The following KCNU1 variants were observed in gnomAD, a reference collection of about 807,000 sequenced individuals.
KCNU1 encodes potassium calcium-activated channel subfamily U member 1.
Under a neutral mutation model 126.8 loss-of-function variants are expected in KCNU1, and 93 were observed. The observed-to-expected ratio is 0.73, with a 90% CI of 0.62 to 0.87. The LOEUF (loss-of-function observed/expected upper bound fraction) is 0.87, where lower values mean the gene tolerates loss of function less well. Ranked by LOEUF, KCNU1 falls within the 40% of genes least tolerant of loss-of-function variation. The pLI is 0.00. For synonymous variants in KCNU1, 523 were observed against 494.2 expected, an observed-to-expected ratio of 1.06 and a Z score of -0.77; for missense variants, 1,330 against 1,367.1, an observed-to-expected ratio of 0.97 and a Z score of 0.43.
chr8:36,810,097 C>A (rs1803655027), intron 7 of KCNU1, among the ~76,000 whole-genome samples: 1 of 151,988 alleles, frequency 6.6e-6, no homozygotes, highest in South Asian at 2.1e-4. Context: ...ACTAAAAATA[C>A]AAAAATTAGC....
intron 19 of KCNU1, among the ~76,000 whole-genome samples, chr8:36,889,892 T>A (rs1806888840): frequency 6.6e-6 from 1 of 152,034 alleles, no homozygotes; most frequent in Non-Finnish European, 1.5e-5. Flanking sequence ...ATCTTGCCCA[T>A]GGAGAAACAC....
rs542427403 is a variant in KCNU1, at chr8:36,909,387, C to T, written c.2183C>T (p.Pro728Leu). ...GTATTTGGAGATGCCCACTCAGCCC[C>T]GATGGGGCTTCGGAACTTTGTAATG... ...ACVFGDAHSAPMGLRNFVMPL... is the reference protein window; with the variant it reads ...ACVFGDAHSALMGLRNFVMPL... Residue 728 changes from proline (P) to leucine (L), a missense_variant, in exon 21 of 27, where the codon CCG becomes CTG. By Grantham distance (98) the Pro-to-Leu change is moderately conservative. Around this residue, in one of 3 missense-constraint regions of KCNU1, gnomAD observed 1,054 missense variants for 1,053.9 expected, o/e 1.00. Transcript: ENST00000399881. 458 of 1,613,410 alleles carry T rather than the reference C, an allele frequency of 2.8e-4. 6 individuals carry two copies. In the East Asian group the frequency reaches 9.7e-3, roughly 34 times the overall value.
chr8:36,813,597 C>G (rs1803800988), intron 7 of KCNU1, among the ~76,000 whole-genome samples: 1 of 150,448 alleles, frequency 6.6e-6, no homozygotes. Context: ...TATTAAAAAT[C>G]TGATAAATCT....
rs562141869 is a variant in KCNU1 at position 36,813,291 on chromosome 8, T to C, written c.733-916T>C. On this transcript the variant is annotated intron_variant, in intron 7 of 26. Coordinates refer to ENST00000399881, the MANE Select transcript of KCNU1 (RefSeq NM_001031836.3). ...ACAAATATCTGAGCAAACTGCATGG[T>C]TTCTAATTTCCATCCTAGTTCTTAA... Among the ~76,000 whole-genome samples the C allele has an allele frequency of 2.8e-4, 43 of 152,212 alleles. 1 individual carries two copies. In the South Asian group the frequency reaches 8.7e-3, roughly 31 times the overall value.
intron 22 of KCNU1, among the ~76,000 whole-genome samples, chr8:36,913,540 G>C (rs957828189): frequency 2.0e-5 from 3 of 152,066 alleles, no homozygotes; most frequent in Non-Finnish European, 2.9e-5. Context: ...AGGCTCTAAG[G>C]ACACACCTAA....
chr8:36,825,821 A>G (rs1260370424), intron 10 of KCNU1, among the ~76,000 whole-genome samples: 2 of 152,000 alleles, frequency 1.3e-5, no homozygotes, highest in African/African-American at 2.4e-5. Flanking sequence ...ACAGAGTTAC[A>G]AGCTGGCAGT....
chr8:36,793,139 G>A (rs1390427087), intron 2 of KCNU1, among the ~76,000 whole-genome samples: 3 of 149,160 alleles, frequency 2.0e-5, no homozygotes, highest in Non-Finnish European at 4.4e-5. Context: ...TCACTCATAG[G>A]TGGGAACTGA....
intron 1 of KCNU1, among the ~76,000 whole-genome samples, chr8:36,785,298 T>G (rs1045670346): frequency 6.6e-6 from 1 of 152,242 alleles, no homozygotes; most frequent in Non-Finnish European, 1.5e-5. Context: ...GATGTTCTAT[T>G]ACCAGAGGTC....
intron 12 of KCNU1, among the ~76,000 whole-genome samples, chr8:36,835,428 T>C (rs899374622): frequency 6.6e-6 from 1 of 152,010 alleles, no homozygotes; most frequent in African/African-American, 2.4e-5. Flanking sequence ...CACTGCAACT[T>C]CCACCTCCCC....
chr8:36,793,688 C>G (rs991075651), intron 2 of KCNU1, among the ~76,000 whole-genome samples: 1 of 152,176 alleles, frequency 6.6e-6, no homozygotes, highest in African/African-American at 2.4e-5. Flanking sequence ...TATGTTGTAA[C>G]TAGGATGATC....
intron 11 of KCNU1, 31 bp downstream of exon 11, chr8:36,833,690 T>A (rs1804644355): frequency 1.6e-6 from 2 of 1,276,070 alleles, no homozygotes; most frequent in East Asian, 4.7e-5. Context: ...TTCCTTGTAG[T>A]TTTCCTTAGT....
intron 19 of KCNU1, among the ~76,000 whole-genome samples, chr8:36,890,461 A>T (rs1806915009): frequency 6.6e-6 from 1 of 151,990 alleles, no homozygotes; most frequent in South Asian, 2.1e-4. Flanking sequence ...ATCAGTTAAA[A>T]ATATATATTG....
At chr8:36,913,701 A>T (rs544006312) in intron 22 of KCNU1, among the ~76,000 whole-genome samples, 1 of 150,256 alleles carries the variant, frequency 6.7e-6, no homozygotes, top group Admixed American at 6.7e-5. Context: ...TCCCAGGTTC[A>T]TGCCATTCTT....
At chr8:36,935,488 A>G (rs2117627318) in intron 26 of KCNU1, 27 bp from the exon 27 acceptor site, 1 of 1,548,906 alleles carries the variant, frequency 6.5e-7, no homozygotes, top group East Asian at 2.3e-5. Flanking sequence ...GCAGAACCTC[A>G]GCATTTATCT....
At position 36,855,130 on chromosome 8, in the gene KCNU1, A is replaced by C. The variant is rs537491123; in HGVS notation, c.1891+9231A>C. Among the ~76,000 whole-genome samples, 12 of 152,288 alleles carry C rather than the reference A, an allele frequency of 7.9e-5. No homozygotes were observed. The South Asian group carries it at 1.7e-3, about 21-fold the overall frequency. On this transcript the variant is annotated intron_variant, in intron 18 of 26. Coordinates refer to ENST00000399881, the MANE Select transcript of KCNU1 (RefSeq NM_001031836.3). Reference sequence around the variant, plus strand: ...AGAGATGAGAGCTTTGGAACTTCTCAGGCCTTTCTGCTTATGCATACAGCT... The same window carrying C: ...AGAGATGAGAGCTTTGGAACTTCTCCGGCCTTTCTGCTTATGCATACAGCT...
chr8:36,865,296 A>G (rs1037181246), intron 19 of KCNU1, among the ~76,000 whole-genome samples: 1 of 152,154 alleles, frequency 6.6e-6, no homozygotes, highest in Non-Finnish European at 1.5e-5. Context: ...AACAATATGC[A>G]AGTTCTTCAA....
rs146763608 is a variant in KCNU1 at position 36,871,732 on chromosome 8, G to T, written c.2009+7211G>T. Among the ~76,000 whole-genome samples, 121 of 152,208 alleles carry T rather than the reference G, an allele frequency of 7.9e-4. 1 individual carries two copies. Among genetic ancestry groups the T allele is most frequent in the African/African-American group, 2.7e-3 (112 of 41,564 alleles). On this transcript the variant is annotated intron_variant, in intron 19 of 26. Transcript: ENST00000399881. Reference sequence around the variant, plus strand: ...AATTACGGGTATGGAAATTGATTTGGCTGGGTGCTAAGATGAGGAAGTGGC... The same window carrying T: ...AATTACGGGTATGGAAATTGATTTGTCTGGGTGCTAAGATGAGGAAGTGGC...
intron 19 of KCNU1, among the ~76,000 whole-genome samples, chr8:36,884,575 A>C (rs1806619451): frequency 6.6e-6 from 1 of 151,912 alleles, no homozygotes; most frequent in South Asian, 2.1e-4. Flanking sequence ...GTCTCTACTA[A>C]AAGTACAAAA....
At chr8:36,799,285 GGTATAGC>G (rs1206520315) in intron 2 of KCNU1, among the ~76,000 whole-genome samples, 1 of 151,834 alleles carries the variant, frequency 6.6e-6, no homozygotes, top group Non-Finnish European at 1.5e-5. Context: ...AATATAGAAA[GGTATAGC>G]GTATCTTCAA....
Sources: allele counts gnomAD v4.1 joint callset (sites outside exome capture counted in the v4.1 genomes callset), GRCh38; gene constraint gnomAD v4.1.1; regional missense constraint gnomAD v4.1.1; transcripts MANE v1.5; gene names NCBI Gene and HGNC (gene_info 2026-07-23, HGNC 2026-07-21).